The following NBEA variants were observed in gnomAD, a reference collection of about 807,000 sequenced individuals.
NBEA encodes neurobeachin.
Under a neutral mutation model 343.4 loss-of-function variants are expected in NBEA, and 44 were observed. The observed-to-expected ratio is 0.13, with a 90% CI of 0.10 to 0.16. The LOEUF (loss-of-function observed/expected upper bound fraction) is 0.16, where lower values mean the gene tolerates loss of function less well. NBEA is among the 10% of genes least tolerant of loss of function. The pLI, the probability that NBEA is intolerant of heterozygous loss-of-function variation, is 1.00. For missense variants in NBEA, 2,555 were observed against 3,631.3 expected, an observed-to-expected ratio of 0.70 and a Z score of 7.62; for synonymous variants, 1,175 against 1,238.7, an observed-to-expected ratio of 0.95 and a Z score of 1.08.
chr13:35,189,485 A>G (rs2072009835), intron 30 of NBEA, among the ~76,000 whole-genome samples: 1 of 151,974 alleles, frequency 6.6e-6, no homozygotes, highest in South Asian at 2.1e-4. Context: ...TATTAGTATT[A>G]TTGGTTGCCT....
intron 11 of NBEA, among the ~76,000 whole-genome samples, chr13:35,104,250 C>T (rs1218413662): frequency 2.6e-5 from 4 of 151,848 alleles, no homozygotes; most frequent in African/African-American, 7.2e-5. Flanking sequence ...AAATATTCTC[C>T]GATCATTCTA....
At chr13:35,314,063 T>C (rs2037550012) in intron 36 of NBEA, among the ~76,000 whole-genome samples, 2 of 151,960 alleles carry the variant, frequency 1.3e-5, no homozygotes, top group Admixed American at 1.3e-4. Flanking sequence ...GATAGAAGGA[T>C]TGGCCTTTAG....
In NBEA at chr13:35,364,814, A is replaced by G. The variant is rs187682217; in HGVS notation, c.6179+12491A>G. Among the ~76,000 whole-genome samples the G allele has an allele frequency of 8.0e-4, 122 of 151,922 alleles. 1 individual carries two copies. The highest frequency in any genetic ancestry group is 3.4e-3 in the Middle Eastern group (1 of 294). Reference sequence around the variant, plus strand: ...CAAATGAGGAGAGGTATAAGATGGTATTGCCTGATTTAACAGGAGCCTTAA... The same window carrying G: ...CAAATGAGGAGAGGTATAAGATGGTGTTGCCTGATTTAACAGGAGCCTTAA... On this transcript the variant is annotated intron_variant, in intron 38 of 58. Coordinates refer to ENST00000379939, the MANE Select transcript of NBEA (RefSeq NM_001385012.1).
At chr13:35,143,205 C>G (rs898980716) in intron 18 of NBEA, among the ~76,000 whole-genome samples, 1 of 152,162 alleles carries the variant, frequency 6.6e-6, no homozygotes, top group African/African-American at 2.4e-5. Context: ...CAGTCACACT[C>G]ATTTGTTTAG....
intron 40 of NBEA, among the ~76,000 whole-genome samples, chr13:35,471,305 G>A (rs1402307750): frequency 2.0e-5 from 3 of 152,114 alleles, no homozygotes; most frequent in Non-Finnish European, 4.4e-5. Flanking sequence ...GTGTCGGCGC[G>A]AGGGCTCTCC....
intron 40 of NBEA, among the ~76,000 whole-genome samples, chr13:35,468,329 A>T (rs1056684411): frequency 1.3e-5 from 2 of 152,186 alleles, no homozygotes; most frequent in Non-Finnish European, 2.9e-5. Context: ...ATGATGTGAG[A>T]CAAAAAACAA....
rs1594638268 is a variant in NBEA at position 35,438,038 on chromosome 13, A to G, written c.6304+5645A>G. Among the ~76,000 whole-genome samples the G allele has an allele frequency of 2.0e-5, 3 of 152,258 alleles. No homozygotes were observed. The South Asian group carries it at 6.2e-4, about 32-fold the overall frequency. On this transcript the variant is annotated intron_variant, in intron 39 of 58. Coordinates refer to ENST00000379939, the MANE Select transcript of NBEA (RefSeq NM_001385012.1). ...AAAACCTAAGACTGCAAGCACCTCC[A>G]TGTCTGTGATCAAAGACAGCATCTT...
chr13:35,061,460 A>G (rs1391846460), intron 8 of NBEA, among the ~76,000 whole-genome samples: 1 of 151,712 alleles, frequency 6.6e-6, no homozygotes, highest in Non-Finnish European at 1.5e-5. Context: ...AATCTTGTGT[A>G]TCAGGTGGCC....
chr13:34,943,958 CAGA>C (rs1180017895), intron 1 of NBEA, among the ~76,000 whole-genome samples: 1 of 152,088 alleles, frequency 6.6e-6, no homozygotes, highest in Non-Finnish European at 1.5e-5. Context: ...CAGAGAGGCT[CAGA>C]AGCGTTTAAG....
chr13:35,314,308 T>TG (rs1355752420), intron 36 of NBEA, among the ~76,000 whole-genome samples: 1 of 152,134 alleles, frequency 6.6e-6, no homozygotes, highest in Non-Finnish European at 1.5e-5. Context: ...CCAGGCAATT[T>TG]GGGGGAGCCA....
intron 10 of NBEA, among the ~76,000 whole-genome samples, chr13:35,071,163 C>G (rs774040619): frequency 6.6e-6 from 1 of 151,926 alleles, no homozygotes; most frequent in African/African-American, 2.4e-5. Context: ...TTTGCATATA[C>G]TCATGGTTTG....
intron 38 of NBEA, among the ~76,000 whole-genome samples, chr13:35,355,127 G>T (rs1194611609): frequency 6.6e-6 from 1 of 152,102 alleles, no homozygotes; most frequent in Non-Finnish European, 1.5e-5. Context: ...AGCTTCGACT[G>T]CTTCTCACCA....
chr13:35,164,333 C>G (rs756567299), intron 23 of NBEA, 23 bp from the exon 24 acceptor site: 3 of 1,551,344 alleles, frequency 1.9e-6, no homozygotes, highest in East Asian at 2.3e-5. Flanking sequence ...AAAACATACT[C>G]ATTTCTGTTT....
intron 36 of NBEA, among the ~76,000 whole-genome samples, chr13:35,341,430 A>G (rs1487888897): frequency 1.3e-5 from 2 of 152,098 alleles, no homozygotes; most frequent in Admixed American, 6.6e-5. Context: ...GTCAAAAGAC[A>G]TTCATTTACA....
chr13:35,023,354 A>G (rs1464112489), intron 1 of NBEA, among the ~76,000 whole-genome samples: 2 of 152,184 alleles, frequency 1.3e-5, no homozygotes, highest in African/African-American at 4.8e-5. Flanking sequence ...GAGATGAGAA[A>G]TTATACTACT....
intron 41 of NBEA, among the ~76,000 whole-genome samples, chr13:35,481,661 T>G (rs2076126425): frequency 6.6e-6 from 1 of 151,854 alleles, no homozygotes. Context: ...CTAATAAAAC[T>G]AAAATCTTTT....
chr13:35,237,845 A>C (rs936347085), intron 34 of NBEA, among the ~76,000 whole-genome samples: 2 of 152,174 alleles, frequency 1.3e-5, no homozygotes, highest in African/African-American at 4.8e-5. Context: ...CTTATGGGAT[A>C]ATTAATCCTT....
In NBEA at chr13:35,302,411, G is replaced by A. The variant is rs1462515461; in HGVS notation, c.5839-7117G>A. The stretch of plus-strand genomic sequence containing the variant: ...TTCATAATTGTTCATGTAGTTAACA[G>A]ACATTGACTTGGTAAATTGAAATTA... On this transcript the variant is annotated intron_variant, in intron 35 of 58. Transcript: ENST00000379939. 9.9e-5 allele frequency among the ~76,000 whole-genome samples: 15 copies of A among 152,258 alleles called. No individual in the cohort carries two copies. The South Asian group carries it at 1.9e-3, about 19-fold the overall frequency.
intron 1 of NBEA, among the ~76,000 whole-genome samples, chr13:34,957,614 G>A (rs761785830): frequency 3.3e-5 from 5 of 151,592 alleles, no homozygotes; most frequent in Non-Finnish European, 5.9e-5. Flanking sequence ...TTAAAAAAAG[G>A]TAAAGCAAAA....
Sources: gnomAD v4.1 joint callset for allele counts (sites outside exome capture counted in the v4.1 genomes callset) on GRCh38, gnomAD v4.1.1 for gene constraint, MANE v1.5 for transcripts, NCBI Gene and HGNC (gene_info 2026-07-23, HGNC 2026-07-21) for gene names.